MAP3K15: variants seen among roughly 807,000 people sequenced by gnomAD.
The protein encoded by MAP3K15 is mitogen-activated protein kinase kinase kinase 15.
In MAP3K15, 124 loss-of-function variants were observed where a neutral mutation model predicts 99.5. The observed-to-expected ratio is 1.25, with a 90% CI of 1.08 to 1.45. MAP3K15 has a LOEUF of 1.45. Among genes scored for constraint, MAP3K15 ranks in the 40% most tolerant of loss-of-function variants. The pLI is 0.00. For missense variants in MAP3K15, 1,242 were observed against 1,079.7 expected, an observed-to-expected ratio of 1.15 and a Z score of -2.11; for synonymous variants, 494 against 439.6, an observed-to-expected ratio of 1.12 and a Z score of -1.55.
intron 9 of MAP3K15, among the ~76,000 whole-genome samples, chrX:19,421,320 C>G (rs996203998): frequency 3.6e-5 from 4 of 111,751 alleles, no homozygotes; most frequent in African/African-American, 1.3e-4. Context: ...TGATAAGCAA[C>G]TTCAGCAAAG....
chrX:19,382,280 G>A (rs1157298030), intron 18 of MAP3K15, among the ~76,000 whole-genome samples: 4 of 107,267 alleles, frequency 3.7e-5, no homozygotes, highest in Non-Finnish European at 7.7e-5. Context: ...AAAGCAAAGG[G>A]CGCACTGGCT....
At chrX:19,493,867 C>T (rs145969628) in intron 1 of MAP3K15, among the ~76,000 whole-genome samples, 115 of 111,148 alleles carry the variant, frequency 1.0e-3, no homozygotes, top group African/African-American at 3.6e-3. Context: ...CTGTGTTCCC[C>T]GATGCCCTCA....
chrX:19,496,413 C>G (rs1270329593), intron 1 of MAP3K15: 2 of 111,389 alleles, frequency 1.8e-5, no homozygotes, highest in Non-Finnish European at 3.8e-5. Context: ...TCCTCTTCAG[C>G]TTTCCTCAAC....
At chrX:19,396,866 T>C (rs1382397510) in intron 15 of MAP3K15, among the ~76,000 whole-genome samples, 1 of 111,273 alleles carries the variant, frequency 9.0e-6, no homozygotes, top group Admixed American at 9.6e-5. Flanking sequence ...GCAGTCAACA[T>C]TGCAATGCTC....
rs192036176 is a variant in MAP3K15 at position 19,399,595 on chromosome X, G to A, written c.1932+981C>T. Among the ~76,000 whole-genome samples, 266 of 108,649 alleles carry A rather than the reference G, an allele frequency of 2.4e-3. 11 individuals carry two copies. In the Admixed American group the frequency reaches 0.026, roughly 11 times the overall value. 94.3% of individuals were successfully genotyped at this position (108,649 alleles called of 115,157 possible). A position where few individuals can be genotyped will look rare whatever the true frequency, so the allele number is the denominator to read the frequency against. ...AATAAAATACAAAAATTAGCCAGGC[G>A]TGGTGGCGGGTGCCTGTAGTCCCAG... On this transcript the variant is annotated intron_variant, in intron 14 of 28. Transcript: ENST00000338883.
rs1228647422 is a variant in MAP3K15, at chrX:19,384,774, A to AC, written c.2432-4498_2432-4497insG. ...GAAAAAAAAAAAAAAAAAAAAAAAA[A>AC]AAAAAACTGTACATTTTAAAAAACT... On this transcript the variant is annotated intron_variant, in intron 18 of 28. Coordinates refer to ENST00000338883, the MANE Select transcript of MAP3K15 (RefSeq NM_001001671.4). 6.7e-3 allele frequency among the ~76,000 whole-genome samples: 689 copies of AC among 102,335 alleles called. 20 individuals carry two copies. The highest frequency in any genetic ancestry group is 0.025 in the African/African-American group (659 of 25,891). 88.9% of individuals were successfully genotyped at this position (102,335 alleles called of 115,157 possible).
intron 26 of MAP3K15, 128 bp from the exon 27 acceptor site, chrX:19,361,721 A>T: frequency 2.1e-6 from 1 of 473,981 alleles, no homozygotes; most frequent in South Asian, 3.2e-5. Flanking sequence ...ACCCTGTATC[A>T]CTGAACCACG....
chrX:19,381,094 C>CA (rs910862124), intron 18 of MAP3K15, among the ~76,000 whole-genome samples: 4 of 111,854 alleles, frequency 3.6e-5, no homozygotes, highest in Non-Finnish European at 7.5e-5. Flanking sequence ...CAGAAGGCTG[C>CA]AAGAGCATTA....
At position 19,413,325 on chromosome X, in the gene MAP3K15, T is replaced by C. The variant is rs1312311650; in HGVS notation, c.1698+32A>G. 4 of 1,097,675 alleles carry C rather than the reference T, an allele frequency of 3.6e-6. No homozygotes were observed. In the South Asian group the frequency reaches 5.8e-5, roughly 16 times the overall value. 90.5% of individuals were successfully genotyped at this position (1,097,675 alleles called of 1,213,427 possible). Reference sequence around the variant, plus strand: ...CATCTAGACTCTCCTATTTGAAAACTGATTAAATTGCTTGTGATTTTTCCT... The same window carrying C: ...CATCTAGACTCTCCTATTTGAAAACCGATTAAATTGCTTGTGATTTTTCCT... On this transcript the variant is annotated intron_variant, in intron 11 of 28. Transcript: ENST00000338883.
At chrX:19,446,859 T>TA (rs930202572) in intron 6 of MAP3K15, among the ~76,000 whole-genome samples, 1 of 111,056 alleles carries the variant, frequency 9.0e-6, no homozygotes, top group African/African-American at 3.3e-5. Context: ...TTCCTTTTTT[T>TA]AAAAAAATTA....
At chrX:19,505,712 G>T (rs2064471674) in intron 1 of MAP3K15, among the ~76,000 whole-genome samples, 1 of 108,739 alleles carries the variant, frequency 9.2e-6, no homozygotes, top group Admixed American at 9.8e-5. Context: ...GCAGTCCTTG[G>T]TTCTCAGCAA....
At chrX:19,514,829 G>A in intron 1 of MAP3K15, 72 bp downstream of exon 1, 1 of 445,136 alleles carries the variant, frequency 2.2e-6, no homozygotes. Context: ...AGGGCGAGGG[G>A]GCGGGGCGGG....
chrX:19,484,843 C>T (rs2064312459), intron 3 of MAP3K15, among the ~76,000 whole-genome samples: 1 of 111,715 alleles, frequency 9.0e-6, no homozygotes, highest in Admixed American at 9.5e-5. Flanking sequence ...AGCAAAACAG[C>T]ACAGTTCAAC....
intron 3 of MAP3K15, among the ~76,000 whole-genome samples, chrX:19,475,988 A>G (rs1043396054): frequency 1.8e-5 from 2 of 111,892 alleles, no homozygotes; most frequent in African/African-American, 6.5e-5. Flanking sequence ...ACCAGCACTT[A>G]TTTTTATTTA....
chrX:19,490,992 G>A (rs767157134), intron 1 of MAP3K15, among the ~76,000 whole-genome samples: 3 of 111,258 alleles, frequency 2.7e-5, no homozygotes, highest in East Asian at 5.7e-4. Context: ...ACTCATGCTC[G>A]CACTGCTGTG....
At chrX:19,499,366 G>A (rs1166476080) in intron 1 of MAP3K15, among the ~76,000 whole-genome samples, 2 of 112,062 alleles carry the variant, frequency 1.8e-5, no homozygotes, top group African/African-American at 6.5e-5. Flanking sequence ...AAAAGGGTTG[G>A]AAGTTTCTGA....
chrX:19,499,622 C>A (rs1380760093), intron 1 of MAP3K15, among the ~76,000 whole-genome samples: 1 of 112,274 alleles, frequency 8.9e-6, no homozygotes, highest in Non-Finnish European at 1.9e-5. Context: ...GAACAAACTA[C>A]AAATACATAT....
At chrX:19,361,242 GT>G in intron 28 of MAP3K15, 96 bp downstream of exon 28, 1 of 727,409 alleles carries the variant, frequency 1.4e-6, no homozygotes, top group Non-Finnish European at 2.0e-6. Context: ...GAACTCCAGA[GT>G]TTGGGGGGAG....
At position 19,437,311 on chromosome X, in the gene MAP3K15, C is replaced by T. The variant is rs189689067; in HGVS notation, c.996-5703G>A. ...AGGCAGGTCATGTCATCCTTCGACTCAAAACTCACCAGTGGCTCCCATCTT... is the reference window on the plus strand; with the variant it reads ...AGGCAGGTCATGTCATCCTTCGACTTAAAACTCACCAGTGGCTCCCATCTT... On this transcript the variant is annotated intron_variant, in intron 6 of 28. Transcript: ENST00000338883. Among the ~76,000 whole-genome samples, 7 of 111,638 alleles carry T rather than the reference C, an allele frequency of 6.3e-5. No individual in the cohort carries two copies. In the East Asian group the frequency reaches 1.1e-3, roughly 18 times the overall value.
Sources: gnomAD v4.1 joint callset for allele counts (sites outside exome capture counted in the v4.1 genomes callset) on GRCh38, gnomAD v4.1.1 for gene constraint, MANE v1.5 for transcripts, NCBI Gene and HGNC (gene_info 2026-07-23, HGNC 2026-07-21) for gene names.